The following IL11 variants were observed in gnomAD, a reference collection of about 807,000 sequenced individuals.
The protein encoded by IL11 is interleukin 11, also known as interleukin-11.
IL11 carries 17 observed loss-of-function variants against 18.1 expected under a neutral mutation model. That is an observed-to-expected ratio of 0.94 (90% confidence interval 0.64 to 1.41). IL11 has a LOEUF of 1.41. IL11 is among the 40% of genes most tolerant of loss of function. The pLI, the probability that IL11 is intolerant of heterozygous loss-of-function variation, is 0.00. For synonymous variants in IL11, 144 were observed against 134.1 expected (o/e 1.07, Z -0.51); for missense variants, 309 against 262.8 (o/e 1.18, Z -1.22).
At position 55,369,332 on chromosome 19, in the gene IL11, C is replaced by T. The variant is rs907140287; in HGVS notation, c.8-391G>A. 1 of 159,256 alleles carries T rather than the reference C, an allele frequency of 6.3e-6. No individual in the cohort carries two copies. The highest frequency in any genetic ancestry group is 2.4e-5 in the African/African-American group (1 of 41,840). The allele number at this position is 159,256 out of a possible 1,614,324, so 9.9% of individuals were successfully genotyped here. On this transcript the variant is annotated intron_variant, in intron 1 of 4. Transcript: ENST00000264563. This position sits in a 1 kb window ranked among gnomAD's most constrained non-coding sequence, Gnocchi z 6.1. ...ACGGGCCGGGCGTCTCCCGTCCGCC[C>T]CCGGACGCCGGAATCTGGGCCCCGG...
At position 55,369,762 on chromosome 19, in the gene IL11, C is replaced by A. The variant is rs951142611; in HGVS notation, c.7+542G>T. 6.6e-6 allele frequency among the ~76,000 whole-genome samples: 1 copy of A among 150,690 alleles called. No individual in the cohort carries two copies. Among genetic ancestry groups the A allele is most frequent in the Non-Finnish European group, 1.5e-5 (1 of 67,514 alleles). On this transcript the variant is annotated intron_variant, in intron 1 of 4. Transcript: ENST00000264563. This position sits in a 1 kb window ranked among gnomAD's most constrained non-coding sequence, Gnocchi z 6.1. Reference sequence around the variant, plus strand: ...GCCTCGCACACCCCCAGCCCGCCCCCCGGGCCCGCCAGCCGTCGGTCTGTC... The same window carrying A: ...GCCTCGCACACCCCCAGCCCGCCCCACGGGCCCGCCAGCCGTCGGTCTGTC...
chr19:55,368,262 A>G lies in IL11; in HGVS notation c.377T>C (p.Leu126Pro). Residue 126 changes from leucine (L) to proline (P), a missense_variant, in exon 4 of 5, where the codon CTG becomes CCG. Physicochemically the swap from Leu to Pro is moderately conservative, Grantham distance 98 (BLOSUM62 -3). Coordinates refer to ENST00000264563, the MANE Select transcript of IL11 (RefSeq NM_000641.4). Reference protein sequence around the residue: ...GSSLKTLEPELGTLQARLDRL... With the variant: ...GSSLKTLEPEPGTLQARLDRL... ...GTCCAGTCGGGCCTGCAGGGTGCCC[A>G]GCTCGGGCTCCAGGGTCTTCAGGGA... 1 of 1,550,968 alleles carries G rather than the reference A, an allele frequency of 6.4e-7. No individual in the cohort carries two copies. Among genetic ancestry groups the G allele is most frequent in the Non-Finnish European group, 8.7e-7 (1 of 1,146,944 alleles).
At position 55,368,544 on chromosome 19, in the gene IL11, T is replaced by G; in HGVS notation, c.206A>C (p.Asp69Ala). 1 of 1,612,700 alleles carries G rather than the reference T, an allele frequency of 6.2e-7. No individual in the cohort carries two copies. Among genetic ancestry groups the G allele is most frequent in the South Asian group, 1.1e-5 (1 of 90,732 alleles). The part of the protein sequence containing the change: ...QLRDKFPADG[D>A]HNLDSLPTLA... ...GGTGGGCAGGGAATCCAGGTTGTGGTCCCCGTCAGCTGGGAATTTGTCCCT... is the reference window on the plus strand; with the variant it reads ...GGTGGGCAGGGAATCCAGGTTGTGGGCCCCGTCAGCTGGGAATTTGTCCCT... The change falls in exon 3 of 5, where the codon GAC (aspartate) becomes GCC (alanine). Residue 69 changes from aspartate (D) to alanine (A), a missense_variant. Coordinates refer to ENST00000264563, the MANE Select transcript of IL11 (RefSeq NM_000641.4).
intron 3 of IL11, 50 bp downstream of exon 3, chr19:55,368,433 C>G: frequency 6.3e-7 from 1 of 1,579,334 alleles, no homozygotes; most frequent in Non-Finnish European, 8.6e-7. Flanking sequence ...TCCCCGCCCC[C>G]TTCACTGCCT....
chr19:55,369,002 G>T lies in IL11; in HGVS notation c.8-61C>A. On this transcript the variant is annotated intron_variant, in intron 1 of 4. Coordinates refer to ENST00000264563, the MANE Select transcript of IL11 (RefSeq NM_000641.4). The surrounding 1 kb of genome is among the most constrained non-coding windows in gnomAD (Gnocchi z 6.1). The stretch of plus-strand genomic sequence containing the variant: ...CTCCGGGTCTGAGAGAGGAGGGCCT[G>T]GGCCTGGACTCCCGGGTCTGAGGGA... 7.1e-7 allele frequency: 1 copy of T among 1,407,582 alleles called. No homozygotes were observed. Among genetic ancestry groups the T allele is most frequent in the East Asian group, 2.5e-5 (1 of 39,278 alleles). 87.2% of individuals were successfully genotyped at this position (1,407,582 alleles called of 1,614,324 possible). A position where few individuals can be genotyped will look rare whatever the true frequency, so the allele number is the denominator to read the frequency against.
At position 55,369,098 on chromosome 19, in the gene IL11, G is replaced by C. The variant is rs553880718; in HGVS notation, c.8-157C>G. On this transcript the variant is annotated intron_variant, in intron 1 of 4. Transcript: ENST00000264563. The surrounding 1 kb of genome is among the most constrained non-coding windows in gnomAD (Gnocchi z 6.1). ...GCTGGGGGCCTGGACTCCTAGGTCTGAGGGAGGAAGGCCTGGGGTCTGGAC... is the reference window on the plus strand; with the variant it reads ...GCTGGGGGCCTGGACTCCTAGGTCTCAGGGAGGAAGGCCTGGGGTCTGGAC... 6.6e-6 allele frequency: 4 copies of C among 602,732 alleles called. No homozygotes were observed. Among genetic ancestry groups the C allele is most frequent in the Non-Finnish European group, 1.1e-5 (4 of 363,066 alleles). The allele number at this position is 602,732 out of a possible 1,614,324, so 37.3% of individuals were successfully genotyped here.
chr19:55,366,091 C>G lies in IL11; in HGVS notation c.516G>C (p.Arg172Ser). 1.3e-6 allele frequency: 2 copies of G among 1,580,832 alleles called. No individual in the cohort carries two copies. Among genetic ancestry groups the G allele is most frequent in the Non-Finnish European group, 1.7e-6 (2 of 1,164,758 alleles). ...GCCCCCCCAGGATGGCGTGGGCGGCCCTGATGCCCCCCCAGGCTGAGGAGG... is the reference window on the plus strand; with the variant it reads ...GCCCCCCCAGGATGGCGTGGGCGGCGCTGATGCCCCCCCAGGCTGAGGAGG... ...APPSSAWGGI[R>S]AAHAILGGLH... is the part of the protein sequence containing the mutation. The change falls in exon 5 of 5, where the codon AGG (arginine) becomes AGC (serine). Residue 172 changes from arginine (R) to serine (S), a missense_variant. Physicochemically the swap from Arg to Ser is moderately radical, Grantham distance 110. Coordinates refer to ENST00000264563, the MANE Select transcript of IL11 (RefSeq NM_000641.4). The surrounding 1 kb of genome is among the most constrained non-coding windows in gnomAD (Gnocchi z 4.6).
At chr19:55,367,418 A>T (rs1418789566) in intron 4 of IL11, among the ~76,000 whole-genome samples, 4 of 144,848 alleles carry the variant, frequency 2.8e-5, no homozygotes, top group African/African-American at 1.0e-4. Context: ...CTGGGGTCTC[A>T]GGGTCTGGAG....
Position 55,368,224 on chromosome 19 carries a change from G to C in IL11, c.415C>G (p.Arg139Gly), listed in dbSNP as rs778014138. The change falls in exon 4 of 5, where the codon CGG becomes GGG. Residue 139 changes from arginine (R) to glycine (G), a missense_variant. Arg to Gly is a moderately radical substitution (Grantham distance 125). Transcript: ENST00000264563. ...LQARLDRLLR[R>G]LQLLMSRLAL... The stretch of plus-strand genomic sequence containing the variant: ...CCAGGACATACCAGGAGCTGCAGCC[G>C]GCGCAGCAGCCGGTCCAGTCGGGCC... 5.2e-6 allele frequency: 8 copies of C among 1,533,326 alleles called. No homozygotes were observed. The highest frequency in any genetic ancestry group is 7.0e-6 in the Non-Finnish European group (8 of 1,136,086). 95.0% of individuals were successfully genotyped at this position (1,533,326 alleles called of 1,614,324 possible). A position where few individuals can be genotyped will look rare whatever the true frequency, so the allele number is the denominator to read the frequency against.
rs2089786506 is a variant in IL11, at chr19:55,366,418, C to T, written c.430-241G>A. Among the ~76,000 whole-genome samples, 1 of 151,910 alleles carries T rather than the reference C, an allele frequency of 6.6e-6. No individual in the cohort carries two copies. Among genetic ancestry groups the T allele is most frequent in the African/African-American group, 2.4e-5 (1 of 41,324 alleles). On this transcript the variant is annotated intron_variant, in intron 4 of 4. Transcript: ENST00000264563. The surrounding 1 kb of genome is among the most constrained non-coding windows in gnomAD (Gnocchi z 4.6). The stretch of plus-strand genomic sequence containing the variant: ...GGGGGTGAAGTCTGTGGAGTCAGGG[C>T]TGGCATCTCGGTTCTAGGTGAGGGA...
rs761664944 is a variant in IL11 at position 55,368,470 on chromosome 19, C to G, written c.267+13G>C. On this transcript the variant is annotated intron_variant, in intron 3 of 4. Transcript: ENST00000264563. ...CCTCCCACCTTGTCCCCAGCCCACT[C>G]CCTTGCCCTTACCTGTAGAGCTCCC... 6.2e-7 allele frequency: 1 copy of G among 1,603,382 alleles called. No individual in the cohort carries two copies. Among genetic ancestry groups the G allele is most frequent in the Non-Finnish European group, 8.5e-7 (1 of 1,173,626 alleles).
chr19:55,367,529 C>T (rs1052080703), intron 4 of IL11, among the ~76,000 whole-genome samples: 28 of 137,226 alleles, frequency 2.0e-4, no homozygotes, highest in Non-Finnish European at 2.1e-4. Context: ...GGTGCGATCT[C>T]GGCTCACTGC....
In IL11 at chr19:55,366,374, A is replaced by T. The variant is rs1196556466; in HGVS notation, c.430-197T>A. ...GAGGCTGGAGTCAGGACGGGCTTCC[A>T]GAGCTGAGTGTGGGGGTTGGGGGTG... On this transcript the variant is annotated intron_variant, in intron 4 of 4. Transcript: ENST00000264563. The surrounding 1 kb of genome is among the most constrained non-coding windows in gnomAD (Gnocchi z 4.6). 6.6e-6 allele frequency among the ~76,000 whole-genome samples: 1 copy of T among 151,438 alleles called. No homozygotes were observed. Among genetic ancestry groups the T allele is most frequent in the Non-Finnish European group, 1.5e-5 (1 of 67,840 alleles).
At chr19:55,367,563 C>A (rs904700798) in intron 4 of IL11, among the ~76,000 whole-genome samples, 1 of 144,788 alleles carries the variant, frequency 6.9e-6, no homozygotes. Flanking sequence ...CAGGTTCAAG[C>A]GATTCTCCTG....
chr19:55,369,107 A>G lies in IL11; in HGVS notation c.8-166T>C, dbSNP rs1471082410. 7.4e-6 allele frequency: 4 copies of G among 537,852 alleles called. No individual in the cohort carries two copies. The highest frequency in any genetic ancestry group is 1.3e-5 in the Non-Finnish European group (4 of 318,674). 33.3% of individuals were successfully genotyped at this position (537,852 alleles called of 1,614,324 possible). A position where few individuals can be genotyped will look rare whatever the true frequency, so the allele number is the denominator to read the frequency against. On this transcript the variant is annotated intron_variant, in intron 1 of 4. Transcript: ENST00000264563. This position sits in a 1 kb window ranked among gnomAD's most constrained non-coding sequence, Gnocchi z 6.1. ...CTGGACTCCTAGGTCTGAGGGAGGA[A>G]GGCCTGGGGTCTGGACTCCTGGGTC...
In IL11 at chr19:55,366,102, C is replaced by G. The variant is rs756022193; in HGVS notation, c.505G>C (p.Gly169Arg). The change falls in exon 5 of 5, where the codon GGG becomes CGG. Residue 169 changes from glycine to arginine, a missense_variant. By Grantham distance (125) the Gly-to-Arg change is moderately radical. Transcript: ENST00000264563. This position sits in a 1 kb window ranked among gnomAD's most constrained non-coding sequence, Gnocchi z 4.6. ...PPLAPPSSAW[G>R]GIRAAHAILG... ...ATGGCGTGGGCGGCCCTGATGCCCC[C>G]CCAGGCTGAGGAGGGGGGCGCCAGC... 3.8e-6 allele frequency: 6 copies of G among 1,571,954 alleles called. No individual in the cohort carries two copies. In the African/African-American group the frequency reaches 8.1e-5, roughly 21 times the overall value.
rs2089810015 is a variant in IL11 at position 55,369,691 on chromosome 19, C to G, written c.7+613G>C. Among the ~76,000 whole-genome samples, 1 of 145,058 alleles carries G rather than the reference C, an allele frequency of 6.9e-6. No homozygotes were observed. Among genetic ancestry groups the G allele is most frequent in the Non-Finnish European group, 1.5e-5 (1 of 65,218 alleles). ...CCCGCAGCCCACCCCGGCCGCCCCG[C>G]CCACCCGGCCACCCGCCAGCCAATC... On this transcript the variant is annotated intron_variant, in intron 1 of 4. Transcript: ENST00000264563. The surrounding 1 kb of genome is among the most constrained non-coding windows in gnomAD (Gnocchi z 6.1).
rs781238214 is a variant in IL11, at chr19:55,365,967, A to G, written c.*40T>C. ...GTACTGAAATAAATAAATAAATAAG[A>G]TCTGGCTTTGGAAGGACGGTGGTGG... On this transcript the variant is annotated 3_prime_UTR_variant, in exon 5 of 5. Coordinates refer to ENST00000264563, the MANE Select transcript of IL11 (RefSeq NM_000641.4). 24 of 1,560,572 alleles carry G rather than the reference A, an allele frequency of 1.5e-5. No individual in the cohort carries two copies. The highest frequency in any genetic ancestry group is 2.4e-5 in the South Asian group (2 of 84,620).
In IL11 at chr19:55,368,838, G is replaced by C. The variant is rs570837384; in HGVS notation, c.111C>G (p.Ala37=). 6.3e-7 allele frequency: 1 copy of C among 1,589,760 alleles called. No individual in the cohort carries two copies. The highest frequency in any genetic ancestry group is 8.6e-7 in the Non-Finnish European group (1 of 1,168,764). ...TCAGGAGCACGGTGCTGTCCAGCTC[G>C]GCCCGAGGGTCTGGGGAAACTCGAG... ...GPPRVSPDPR[A]ELDSTVLLTR... is the part of the protein sequence containing the mutation. Residue 37 remains alanine, a synonymous_variant, in exon 2 of 5, where the codon GCC becomes GCG. Coordinates refer to ENST00000264563, the MANE Select transcript of IL11 (RefSeq NM_000641.4).
Sources: gnomAD v4.1 joint callset for allele counts (sites outside exome capture counted in the v4.1 genomes callset) on GRCh38, gnomAD v4.1.1 for gene constraint, Gnocchi (gnomAD v3.1) non-coding constraint, MANE v1.5 for transcripts, NCBI Gene and HGNC (gene_info 2026-07-23, HGNC 2026-07-21) for gene names.